Variants in RAB5B observed in about 807,000 individuals in gnomAD.
RAB5B encodes RAB5B, member RAS oncogene family.
In RAB5B, 11 loss-of-function variants were observed where a neutral mutation model predicts 28.6. The ratio of observed to expected loss-of-function variants is 0.38; its 90% CI spans 0.24 to 0.64. The LOEUF (loss-of-function observed/expected upper bound fraction) is 0.64. RAB5B is among the 30% of genes least tolerant of loss of function. RAB5B has a pLI of 0.53. For missense variants in RAB5B, 169 were observed against 265.6 expected, an observed-to-expected ratio of 0.64 and a Z score of 2.53; for synonymous variants, 93 against 97.9, an observed-to-expected ratio of 0.95 and a Z score of 0.29.
At chr12:55,980,568 T>C in intron 1 of RAB5B, 1 of 1,596,782 alleles carries the variant, frequency 6.3e-7, no homozygotes, top group Non-Finnish European at 8.6e-7. Flanking sequence ...TCCACATTCA[T>C]ACTGGATTTA....
At chr12:55,977,647 G>A (rs1275026500) in intron 1 of RAB5B, among the ~76,000 whole-genome samples, 1 of 152,216 alleles carries the variant, frequency 6.6e-6, no homozygotes, top group African/African-American at 2.4e-5. Flanking sequence ...TAACCAAAGT[G>A]TGAGACAATG....
intron 1 of RAB5B, chr12:55,980,419 T>G (rs1889769382): frequency 6.4e-7 from 1 of 1,571,182 alleles, no homozygotes. Context: ...CAAGAAAGGG[T>G]CCTCAGCTCA....
At chr12:55,982,539 C>T (rs751437291) in intron 1 of RAB5B, among the ~76,000 whole-genome samples, 13 of 152,008 alleles carry the variant, frequency 8.6e-5, no homozygotes, top group East Asian at 1.9e-4. Flanking sequence ...AGTGATCCTC[C>T]TGCCTTGGCC....
At chr12:55,984,699 C>T (rs1251623920) in intron 1 of RAB5B, among the ~76,000 whole-genome samples, 2 of 151,996 alleles carry the variant, frequency 1.3e-5, no homozygotes, top group Non-Finnish European at 2.9e-5. Flanking sequence ...AGGCAGGGCT[C>T]GAACTTCTGA....
chr12:55,984,091 G>A (rs968298034), intron 1 of RAB5B, among the ~76,000 whole-genome samples: 3 of 150,774 alleles, frequency 2.0e-5, no homozygotes, highest in Non-Finnish European at 4.4e-5. Context: ...GCACGATCTC[G>A]GCTCACTGCA....
At chr12:55,991,479 T>A in intron 5 of RAB5B, 26 bp downstream of exon 5, 2 of 1,581,554 alleles carry the variant, frequency 1.3e-6, no homozygotes, top group Non-Finnish European at 1.7e-6. Flanking sequence ...CCTGAGGTCC[T>A]CCTTTTTCCC....
At chr12:55,982,042 T>C (rs1342812095) in intron 1 of RAB5B, among the ~76,000 whole-genome samples, 1 of 152,022 alleles carries the variant, frequency 6.6e-6, no homozygotes, top group African/African-American at 2.4e-5. Flanking sequence ...CCTTAGGTGA[T>C]CCGCCCACCT....
intron 1 of RAB5B, among the ~76,000 whole-genome samples, chr12:55,978,581 G>A (rs1889712450): frequency 7.9e-5 from 12 of 152,078 alleles, no homozygotes; most frequent in Admixed American, 7.9e-4. Flanking sequence ...GTTGATTGGG[G>A]GAGAGAAGTA....
intron 1 of RAB5B, among the ~76,000 whole-genome samples, chr12:55,983,118 G>T (rs959544263): frequency 1.3e-5 from 2 of 151,482 alleles, no homozygotes; most frequent in African/African-American, 4.9e-5. Context: ...TTGCTCTGTT[G>T]CCCAGGCTGG....
Position 55,991,362 on chromosome 12 carries a change from G to T in RAB5B, c.441G>T (p.Glu147Asp). The T allele has an allele frequency of 1.2e-6, 2 of 1,613,154 alleles. No individual in the cohort carries two copies. Among genetic ancestry groups the T allele is most frequent in the Non-Finnish European group, 1.7e-6 (2 of 1,179,162 alleles). ...LANKRMVEYE[E>D]AQAYADDNSL... is the part of the protein sequence containing the mutation. ...CTAATACATCCCACTCCTTGCAGGA[G>T]GCCCAGGCATATGCAGATGACAACA... Residue 147 changes from glutamate to aspartate, a missense_variant and splice_region_variant, in exon 5 of 6, where the codon GAG becomes GAT. Transcript: ENST00000360299.
intron 1 of RAB5B, among the ~76,000 whole-genome samples, chr12:55,985,136 A>G (rs1215840652): frequency 6.6e-6 from 1 of 152,236 alleles, no homozygotes; most frequent in Non-Finnish European, 1.5e-5. Flanking sequence ...ACATATATTT[A>G]GTGACTTGCT....
At chr12:55,982,627 G>C (rs1365924723) in intron 1 of RAB5B, among the ~76,000 whole-genome samples, 1 of 152,176 alleles carries the variant, frequency 6.6e-6, no homozygotes, top group Non-Finnish European at 1.5e-5. Context: ...ATTAGGGTAC[G>C]AGGTAGTCTT....
At chr12:55,985,632 G>C (rs1889931556) in intron 1 of RAB5B, 1 of 452,066 alleles carries the variant, frequency 2.2e-6, no homozygotes, top group African/African-American at 2.0e-5. Flanking sequence ...AGATAGAGGA[G>C]CTGATTCAGT....
At position 55,975,256 on chromosome 12, in the gene RAB5B, A is replaced by G. The variant is rs923225176; in HGVS notation, c.-93+1117A>G. ...TGTGGGACTTAGACTTGACTTGGGTATTTCCCAGGCAGGTAATGGAGTTAA... is the reference window on the plus strand; with the variant it reads ...TGTGGGACTTAGACTTGACTTGGGTGTTTCCCAGGCAGGTAATGGAGTTAA... On this transcript the variant is annotated intron_variant, in intron 1 of 5. Coordinates refer to ENST00000360299, the MANE Select transcript of RAB5B (RefSeq NM_002868.4). Among the ~76,000 whole-genome samples the G allele has an allele frequency of 2.5e-4, 38 of 152,206 alleles. 2 individuals are homozygous for G. The highest frequency in any genetic ancestry group is 1.5e-5 in the Non-Finnish European group (1 of 68,028).
chr12:55,989,431 C>T (rs913061336), intron 2 of RAB5B, among the ~76,000 whole-genome samples: 4 of 151,928 alleles, frequency 2.6e-5, no homozygotes, highest in African/African-American at 2.4e-5. Context: ...TCCACCACCA[C>T]GCCTGGCTAA....
intron 1 of RAB5B, among the ~76,000 whole-genome samples, chr12:55,975,173 A>G (rs1889611054): frequency 6.6e-6 from 1 of 152,204 alleles, no homozygotes; most frequent in Non-Finnish European, 1.5e-5. Flanking sequence ...TACATGGGAA[A>G]GGGGCTTAGA....
At chr12:55,984,714 A>AGGTGATCCACCTCAGCCTCC (rs1488848561) in intron 1 of RAB5B, among the ~76,000 whole-genome samples, 1 of 152,154 alleles carries the variant, frequency 6.6e-6, no homozygotes, top group African/African-American at 2.4e-5. Context: ...TTCTGACCTC[A>AGGTGATCCACCTCAGCCTCC]GGTGATCCAC....
At chr12:55,980,848 C>G in intron 1 of RAB5B, 1 of 1,607,308 alleles carries the variant, frequency 6.2e-7, no homozygotes, top group South Asian at 1.1e-5. Context: ...CAGCTGTGTC[C>G]CAGACTTGTA....
At chr12:55,985,184 C>T (rs2035949) in intron 1 of RAB5B, among the ~76,000 whole-genome samples, 4,627 of 152,140 alleles carry the variant, frequency 0.03, 237 homozygotes, top group African/African-American at 0.1. Context: ...GAAAAACAAA[C>T]GTGGAGAATT....
Sources: gnomAD v4.1 joint callset for allele counts (sites outside exome capture counted in the v4.1 genomes callset) on GRCh38, gnomAD v4.1.1 for gene constraint, MANE v1.5 for transcripts, NCBI Gene and HGNC (gene_info 2026-07-23, HGNC 2026-07-21) for gene names.